Variants in ARHGEF3 observed in about 807,000 individuals in gnomAD.
The protein encoded by ARHGEF3 is Rho guanine nucleotide exchange factor 3.
Under a neutral mutation model 63.2 loss-of-function variants are expected in ARHGEF3, and 28 were observed. The ratio of observed to expected loss-of-function variants is 0.44; its 90% CI spans 0.33 to 0.61. The LOEUF (loss-of-function observed/expected upper bound fraction) is 0.61, where lower values mean the gene tolerates loss of function less well. Ranked by LOEUF, ARHGEF3 falls within the 20% of genes least tolerant of loss-of-function variation. ARHGEF3 has a pLI of 0.03. For missense variants in ARHGEF3, 533 were observed against 659.3 expected (o/e 0.81, Z 2.10); for synonymous variants, 266 against 254.2 (o/e 1.05, Z -0.44).
chr3:56,961,468 C>T (rs1245057106), intron 2 of ARHGEF3, among the ~76,000 whole-genome samples: 2 of 151,950 alleles, frequency 1.3e-5, no homozygotes, highest in East Asian at 3.9e-4. Context: ...TCCCCCCAAA[C>T]AGGGCAAAGC....
chr3:56,834,999 C>T (rs1460178657), intron 4 of ARHGEF3, among the ~76,000 whole-genome samples: 1 of 151,984 alleles, frequency 6.6e-6, no homozygotes, highest in Non-Finnish European at 1.5e-5. Flanking sequence ...CCACATACTG[C>T]TAGTATAATA....
chr3:56,987,279 T>C (rs975554369), intron 2 of ARHGEF3, among the ~76,000 whole-genome samples: 2 of 152,206 alleles, frequency 1.3e-5, no homozygotes, highest in Admixed American at 1.3e-4. Context: ...TCTGGACAGA[T>C]TCTGTTAACA....
At chr3:56,967,795 A>G (rs1158008594) in intron 2 of ARHGEF3, among the ~76,000 whole-genome samples, 2 of 67,354 alleles carry the variant, frequency 3.0e-5, no homozygotes, top group Non-Finnish European at 5.0e-5. Flanking sequence ...ATTATATATT[A>G]CATATTATAT....
intron 3 of ARHGEF3, among the ~76,000 whole-genome samples, chr3:56,883,778 G>C (rs2040841594): frequency 6.6e-6 from 1 of 152,148 alleles, no homozygotes; most frequent in African/African-American, 2.4e-5. Flanking sequence ...CAGAAGACCA[G>C]AATCACCAGC....
chr3:56,857,243 G>A (rs576437148), intron 4 of ARHGEF3, among the ~76,000 whole-genome samples: 7 of 152,036 alleles, frequency 4.6e-5, no homozygotes, highest in Admixed American at 6.6e-5. Context: ...CCTTCCTAAC[G>A]TTGATTTCCC....
intron 3 of ARHGEF3, among the ~76,000 whole-genome samples, chr3:56,943,987 G>A (rs1560071086): frequency 6.6e-6 from 1 of 150,580 alleles, no homozygotes; most frequent in African/African-American, 2.4e-5. Context: ...GACCAGCCTG[G>A]CCACATGGTG....
intron 1 of ARHGEF3, among the ~76,000 whole-genome samples, chr3:57,069,544 C>T (rs1005062823): frequency 6.6e-6 from 1 of 152,154 alleles, no homozygotes; most frequent in African/African-American, 2.4e-5. Context: ...AATATAGGCA[C>T]TCCATTTTTT....
In ARHGEF3 at chr3:56,888,225, T is replaced by C. The variant is rs901790209; in HGVS notation, c.130-5871A>G. Among the ~76,000 whole-genome samples the C allele has an allele frequency of 4.6e-5, 7 of 152,076 alleles. No homozygotes were observed. In the South Asian group the frequency reaches 1.0e-3, roughly 23 times the overall value. ...GTGGGACATTGGCCATTTCCACTCC[T>C]ACGAAAAGGAATGTCAGATCTGTTC... On this transcript the variant is annotated intron_variant, in intron 3 of 12. Transcript: ENST00000338458.
At chr3:56,779,323 T>C (rs1325257637) in intron 1 of ARHGEF3, among the ~76,000 whole-genome samples, 2 of 151,848 alleles carry the variant, frequency 1.3e-5, no homozygotes, top group Non-Finnish European at 2.9e-5. Context: ...ATAATGACAG[T>C]GGAGAAAGTG....
intron 4 of ARHGEF3, among the ~76,000 whole-genome samples, chr3:56,821,380 A>G (rs949492021): frequency 3.3e-5 from 5 of 152,220 alleles, no homozygotes; most frequent in African/African-American, 4.8e-5. Flanking sequence ...AGCAGATCAC[A>G]AGGTATCATG....
intron 3 of ARHGEF3, among the ~76,000 whole-genome samples, chr3:56,942,024 G>C (rs1217929811): frequency 6.6e-6 from 1 of 152,230 alleles, no homozygotes; most frequent in Non-Finnish European, 1.5e-5. Flanking sequence ...TCTGGTAGAA[G>C]TTTTCCCATT....
At chr3:56,938,611 C>T (rs575132170) in intron 3 of ARHGEF3, 17 of 152,308 alleles carry the variant, frequency 1.1e-4, no homozygotes, top group African/African-American at 1.2e-4. Flanking sequence ...CACATGAGCA[C>T]GTAACATACA....
chr3:57,047,657 G>C (rs975873754), intron 1 of ARHGEF3, among the ~76,000 whole-genome samples: 2 of 152,184 alleles, frequency 1.3e-5, no homozygotes, highest in African/African-American at 4.8e-5. Context: ...AGATGGGAAA[G>C]CAGAGGGTCT....
At chr3:57,061,241 A>G (rs1471422669) in intron 1 of ARHGEF3, among the ~76,000 whole-genome samples, 1 of 152,174 alleles carries the variant, frequency 6.6e-6, no homozygotes, top group Non-Finnish European at 1.5e-5. Context: ...TTTCTCATGT[A>G]GCATAATACT....
At chr3:56,750,720 G>T (rs1578409817) in intron 6 of ARHGEF3, among the ~76,000 whole-genome samples, 2 of 124,644 alleles carry the variant, frequency 1.6e-5, no homozygotes. Context: ...AATTTTTATT[G>T]GAGTATATTA....
chr3:56,856,236 A>G (rs961274327), intron 4 of ARHGEF3, among the ~76,000 whole-genome samples: 2 of 152,240 alleles, frequency 1.3e-5, no homozygotes, highest in Non-Finnish European at 2.9e-5. Context: ...GCGGAGGGAT[A>G]ATAAGAGGAA....
intron 1 of ARHGEF3, among the ~76,000 whole-genome samples, chr3:56,794,698 T>C (rs2037260325): frequency 6.6e-6 from 1 of 152,158 alleles, no homozygotes; most frequent in Non-Finnish European, 1.5e-5. Flanking sequence ...GGCATACTGT[T>C]TGCCTATATC....
intron 3 of ARHGEF3, among the ~76,000 whole-genome samples, chr3:56,948,226 A>C (rs1414995720): frequency 6.6e-6 from 1 of 152,232 alleles, no homozygotes; most frequent in East Asian, 1.9e-4. Context: ...GAACTAGAGA[A>C]GCAAGAGCAA....
At chr3:56,856,453 C>A (rs1559996200) in intron 4 of ARHGEF3, among the ~76,000 whole-genome samples, 1 of 152,122 alleles carries the variant, frequency 6.6e-6, no homozygotes, top group Non-Finnish European at 1.5e-5. Flanking sequence ...TAAACTGACA[C>A]TGTCTTTCAT....
Sources: gnomAD v4.1 joint callset for allele counts (sites outside exome capture counted in the v4.1 genomes callset) on GRCh38, gnomAD v4.1.1 for gene constraint, MANE v1.5 for transcripts, NCBI Gene and HGNC (gene_info 2026-07-23, HGNC 2026-07-21) for gene names.